The following IVNS1ABP variants were observed in gnomAD, a reference collection of about 807,000 sequenced individuals.
IVNS1ABP encodes influenza virus NS1A binding protein.
IVNS1ABP carries 25 observed loss-of-function variants against 78.9 expected under a neutral mutation model. The observed-to-expected ratio is 0.32, with a 90% CI of 0.23 to 0.44. The LOEUF (loss-of-function observed/expected upper bound fraction) is 0.44. IVNS1ABP is among the 20% of genes least tolerant of loss of function. The pLI is 1.00. For synonymous variants in IVNS1ABP, 241 were observed against 259.7 expected (o/e 0.93, Z 0.69); for missense variants, 494 against 768.9 (o/e 0.64, Z 4.23).
intron 1 of IVNS1ABP, among the ~76,000 whole-genome samples, chr1:185,312,549 T>C (rs1015290383): frequency 2.6e-5 from 4 of 152,218 alleles, no homozygotes; most frequent in African/African-American, 9.6e-5. Flanking sequence ...TAGTTCAACA[T>C]GTGTCCTAAC....
chr1:185,300,850 G>T (rs1665576387), intron 10 of IVNS1ABP, 122 bp downstream of exon 10: 5 of 752,912 alleles, frequency 6.6e-6, no homozygotes, highest in Non-Finnish European at 1.1e-5. Flanking sequence ...CAATAGTATT[G>T]TTATTTCCCT....
intron 8 of IVNS1ABP, among the ~76,000 whole-genome samples, chr1:185,302,808 T>C (rs192389232): frequency 3.2e-4 from 48 of 152,244 alleles, no homozygotes; most frequent in African/African-American, 1.2e-3. Flanking sequence ...CTACCCATTT[T>C]ATAGATAAAA....
In IVNS1ABP at chr1:185,297,989, A is replaced by G. The variant is rs1558113522; in HGVS notation, c.*46T>C. ...ATTCACAAGTGTACCTCTACTAACC[A>G]TAATTACATCACTAAGCCTGTTAGT... On this transcript the variant is annotated 3_prime_UTR_variant, in exon 15 of 15. Coordinates refer to ENST00000367498, the MANE Select transcript of IVNS1ABP (RefSeq NM_006469.5). The G allele has an allele frequency of 6.3e-7, 1 of 1,587,696 alleles. No individual in the cohort carries two copies. The highest frequency in any genetic ancestry group is 8.6e-7 in the Non-Finnish European group (1 of 1,163,116).
At position 185,300,308 on chromosome 1, in the gene IVNS1ABP, G is replaced by C. The variant is rs139263536; in HGVS notation, c.1278C>G (p.His426Gln). The change falls in exon 12 of 15, where the codon CAC becomes CAG. Residue 426 changes from histidine to glutamine, a missense_variant. Transcript: ENST00000367498. ...TCTCTCCACAACTCAGGTCATCTGA[G>C]TGGCCATTTGATCCACCTACCACAT... ...QLYVVGGSNG[H>Q]SDDLSCGEMY... The C allele has an allele frequency of 1.8e-4, 287 of 1,613,472 alleles. No individual in the cohort carries two copies. In the Middle Eastern group the frequency reaches 1.8e-3, roughly 10 times the overall value.
intron 8 of IVNS1ABP, among the ~76,000 whole-genome samples, chr1:185,304,175 G>A (rs548322388): frequency 5.3e-5 from 8 of 151,968 alleles, no homozygotes; most frequent in South Asian, 4.2e-4. Context: ...TAGGCCTTTC[G>A]TAGCTACCTC....
intron 8 of IVNS1ABP, among the ~76,000 whole-genome samples, chr1:185,304,291 T>C (rs963501675): frequency 1.3e-5 from 2 of 152,180 alleles, no homozygotes; most frequent in African/African-American, 4.8e-5. Flanking sequence ...CTGCCACTTA[T>C]TGGGCACTCA....
intron 7 of IVNS1ABP, chr1:185,306,295 T>C (rs1406970096): frequency 1.0e-5 from 3 of 300,840 alleles, no homozygotes; most frequent in Non-Finnish European, 1.8e-5. Flanking sequence ...AAGGTTTAAG[T>C]GGAGAGAGAA....
At chr1:185,307,939 T>TCATGAAA (rs1366707414) in intron 5 of IVNS1ABP, 6 of 1,540,100 alleles carry the variant, frequency 3.9e-6, no homozygotes, top group Admixed American at 4.2e-5. Flanking sequence ...TGGTAAGGCT[T>TCATGAAA]CATGAAACGC....
Position 185,298,266 on chromosome 1 carries a change from G to T in IVNS1ABP, c.1698C>A (p.Gly566=). 1.2e-6 allele frequency: 2 copies of T among 1,613,354 alleles called. No homozygotes were observed. Among genetic ancestry groups the T allele is most frequent in the Non-Finnish European group, 8.5e-7 (1 of 1,179,598 alleles). Residue 566 remains glycine, a synonymous_variant, in exon 15 of 15, where the codon GGC becomes GGA. Transcript: ENST00000367498. This position sits in a 1 kb window ranked among gnomAD's most constrained non-coding sequence, Gnocchi z 4.1. ...VLNGKLFVCG[G]FDGSHAISCV... ...AACTGATGGCATGAGAACCATCAAA[G>T]CCACCACATACAAACAGTTTTCCTA...
At position 185,299,690 on chromosome 1, in the gene IVNS1ABP, C is replaced by T. The variant is rs1394857301; in HGVS notation, c.1675+20G>A. 2 of 1,612,928 alleles carry T rather than the reference C, an allele frequency of 1.2e-6. No individual in the cohort carries two copies. Among genetic ancestry groups the T allele is most frequent in the South Asian group, 2.2e-5 (2 of 91,068 alleles). ...TCTTGCCACTATCTACTCTTCACCTCTCCAAATCCCAACACTCACCATTAA... is the reference window on the plus strand; with the variant it reads ...TCTTGCCACTATCTACTCTTCACCTTTCCAAATCCCAACACTCACCATTAA... On this transcript the variant is annotated intron_variant, in intron 14 of 14. Transcript: ENST00000367498.
At position 185,300,361 on chromosome 1, in the gene IVNS1ABP, G is replaced by C; in HGVS notation, c.1243-18C>G. 1 of 1,613,438 alleles carries C rather than the reference G, an allele frequency of 6.2e-7. No homozygotes were observed. Among genetic ancestry groups the C allele is most frequent in the Non-Finnish European group, 8.5e-7 (1 of 1,179,654 alleles). On this transcript the variant is annotated intron_variant, in intron 11 of 14. Coordinates refer to ENST00000367498, the MANE Select transcript of IVNS1ABP (RefSeq NM_006469.5). ...AGCTGGCCCTATGCCAAAAGTGAGAGATGAGAATTTCTAACATCCTGAAGT... is the reference window on the plus strand; with the variant it reads ...AGCTGGCCCTATGCCAAAAGTGAGACATGAGAATTTCTAACATCCTGAAGT...
At chr1:185,299,352 T>A (rs1665505717) in intron 14 of IVNS1ABP, 1 of 280,278 alleles carries the variant, frequency 3.6e-6, no homozygotes, top group South Asian at 4.5e-5. Context: ...TGGAAAAGAC[T>A]AGGGATTTGC....
At chr1:185,307,347 A>T (rs1203128446) in intron 6 of IVNS1ABP, 142 bp downstream of exon 6, 1 of 866,374 alleles carries the variant, frequency 1.2e-6, no homozygotes, top group African/African-American at 1.7e-5. Context: ...ACTGGTAGGG[A>T]GAAACCCATT....
rs1335368374 is a variant in IVNS1ABP, at chr1:185,297,889, A to G, written c.*146T>C. On this transcript the variant is annotated 3_prime_UTR_variant, in exon 15 of 15. Transcript: ENST00000367498. ...CCAAATAAACCCAAAAAGTATGTAC[A>G]GCATGTTTAATAGTATGCAATATGC... is the stretch of plus-strand genomic sequence containing the variant. The G allele has an allele frequency of 1.1e-5, 8 of 718,636 alleles. No individual in the cohort carries two copies. Among genetic ancestry groups the G allele is most frequent in the Non-Finnish European group, 9.3e-6 (4 of 429,194 alleles). 44.5% of individuals were successfully genotyped at this position (718,636 alleles called of 1,614,324 possible). A position where few individuals can be genotyped will look rare whatever the true frequency, so the allele number is the denominator to read the frequency against.
chr1:185,315,308 C>T (rs1032113974), intron 1 of IVNS1ABP, among the ~76,000 whole-genome samples: 1 of 152,014 alleles, frequency 6.6e-6, no homozygotes, highest in Non-Finnish European at 1.5e-5. Flanking sequence ...AGAAAAAATC[C>T]CACCTTCCAA....
At chr1:185,309,302 GA>G (rs1160304290) in intron 3 of IVNS1ABP, 80 bp downstream of exon 3, 8 of 1,239,502 alleles carry the variant, frequency 6.5e-6, no homozygotes, top group Non-Finnish European at 7.9e-6. Context: ...AAATGCCTAT[GA>G]AAAAGAAATA....
intron 1 of IVNS1ABP, among the ~76,000 whole-genome samples, chr1:185,314,506 T>C (rs889861754): frequency 1.3e-5 from 2 of 152,208 alleles, no homozygotes; most frequent in African/African-American, 4.8e-5. Flanking sequence ...CAATAGATTG[T>C]AGATTTGCAG....
chr1:185,316,562 G>A (rs1351409188), intron 1 of IVNS1ABP, among the ~76,000 whole-genome samples: 1 of 152,222 alleles, frequency 6.6e-6, no homozygotes, highest in Non-Finnish European at 1.5e-5. Flanking sequence ...GGAGTCCCGC[G>A]CCCTCCTTCC....
chr1:185,297,549 T>A lies in IVNS1ABP; in HGVS notation c.*486A>T, dbSNP rs1665451401. The A allele has an allele frequency of 6.5e-6, 1 of 154,070 alleles. No homozygotes were observed. Among genetic ancestry groups the A allele is most frequent in the South Asian group, 2.0e-4 (1 of 4,940 alleles). 9.5% of individuals were successfully genotyped at this position (154,070 alleles called of 1,614,324 possible). A position where few individuals can be genotyped will look rare whatever the true frequency, so the allele number is the denominator to read the frequency against. ...ATTAAATATTGGTAGGCATGTAAGC[T>A]TCCTTTTAATAAAAACAAAAATAGT... On this transcript the variant is annotated 3_prime_UTR_variant, in exon 15 of 15. Coordinates refer to ENST00000367498, the MANE Select transcript of IVNS1ABP (RefSeq NM_006469.5).
Sources: allele counts gnomAD v4.1 joint callset (sites outside exome capture counted in the v4.1 genomes callset), GRCh38; gene constraint gnomAD v4.1.1; non-coding constraint Gnocchi (gnomAD v3.1); transcripts MANE v1.5; gene names NCBI Gene and HGNC (gene_info 2026-07-23, HGNC 2026-07-21).